The following ZBTB20 variants were observed in gnomAD, a reference collection of about 807,000 sequenced individuals.
ZBTB20 encodes zinc finger and BTB domain-containing protein 20.
Under a neutral mutation model 56.9 loss-of-function variants are expected in ZBTB20, and 9 were observed. That is an observed-to-expected ratio of 0.16 (90% CI 0.10 to 0.28). ZBTB20 has a LOEUF of 0.28. ZBTB20 is among the 10% of genes least tolerant of loss of function. The pLI is 1.00. For missense variants in ZBTB20, 655 were observed against 1,003.0 expected (o/e 0.65, Z 4.69); for synonymous variants, 417 against 420.7 (o/e 0.99, Z 0.11).
rs369193641 is a variant in ZBTB20, at chr3:114,843,879, G to A, written c.-416-42705C>T. Among the ~76,000 whole-genome samples the A allele has an allele frequency of 3.8e-4, 58 of 150,804 alleles. No homozygotes were observed. In the South Asian group the frequency reaches 8.4e-3, roughly 22 times the overall value. ...TTTTTGTATTTTGAGTAGAGACAAG[G>A]TTTCACCGTGTTAGCCAGGCTGGTC... On this transcript the variant is annotated intron_variant, in intron 4 of 11. Coordinates refer to ENST00000675478, the MANE Select transcript of ZBTB20 (RefSeq NM_001348800.3).
At chr3:114,792,320 A>T (rs2071020024) in intron 5 of ZBTB20, 1 of 152,190 alleles carries the variant, frequency 6.6e-6, no homozygotes, top group South Asian at 2.1e-4. Flanking sequence ...TACTAGCAAC[A>T]TATTGCAAAG....
chr3:114,500,907 A>T (rs906818333), intron 6 of ZBTB20, among the ~76,000 whole-genome samples: 1 of 152,234 alleles, frequency 6.6e-6, no homozygotes, highest in African/African-American at 2.4e-5. Flanking sequence ...TCTATTGGGC[A>T]GCACTGACTA....
At chr3:114,622,811 T>C (rs1257099877) in intron 6 of ZBTB20, among the ~76,000 whole-genome samples, 2 of 152,260 alleles carry the variant, frequency 1.3e-5, no homozygotes, top group Non-Finnish European at 2.9e-5. Flanking sequence ...AGGAGAAATC[T>C]ACTGGCAATG....
At chr3:114,803,364 A>T (rs1257195692) in intron 4 of ZBTB20, among the ~76,000 whole-genome samples, 1 of 151,918 alleles carries the variant, frequency 6.6e-6, no homozygotes, top group East Asian at 1.9e-4. Context: ...CACGAGGAGA[A>T]CTGAAATTTA....
At chr3:114,903,120 A>G (rs2075188018) in intron 3 of ZBTB20, among the ~76,000 whole-genome samples, 1 of 152,110 alleles carries the variant, frequency 6.6e-6, no homozygotes, top group African/African-American at 2.4e-5. Flanking sequence ...TCTGGGAAGC[A>G]GTAGAGTTAT....
At chr3:114,724,270 A>C (rs996360989) in intron 5 of ZBTB20, among the ~76,000 whole-genome samples, 1 of 152,188 alleles carries the variant, frequency 6.6e-6, no homozygotes, top group Non-Finnish European at 1.5e-5. Flanking sequence ...GTTCTCTCTG[A>C]TAACATTGAA....
chr3:114,746,107 A>G (rs546212339), intron 5 of ZBTB20, among the ~76,000 whole-genome samples: 1 of 152,320 alleles, frequency 6.6e-6, no homozygotes, highest in African/African-American at 2.4e-5. Context: ...AAACAAGGAC[A>G]TGCTGATCAG....
rs147982752 is a variant in ZBTB20, at chr3:114,567,240, A to G, written c.-294-66849T>C. On this transcript the variant is annotated intron_variant, in intron 6 of 11. Transcript: ENST00000675478. ...TTTCTTAGTGTGATGGTTGCACTCAATGCTGTGCTAATGATGGACATTTCT... is the reference window on the plus strand; with the variant it reads ...TTTCTTAGTGTGATGGTTGCACTCAGTGCTGTGCTAATGATGGACATTTCT... 8.9e-3 allele frequency among the ~76,000 whole-genome samples: 1,352 copies of G among 152,278 alleles called. 21 individuals carry two copies. Among genetic ancestry groups the G allele is most frequent in the African/African-American group, 0.03 (1,261 of 41,530 alleles).
At chr3:114,844,860 C>CTTTTT (rs11396350) in intron 4 of ZBTB20, among the ~76,000 whole-genome samples, 1 of 130,434 alleles carries the variant, frequency 7.7e-6, no homozygotes, top group Non-Finnish European at 1.6e-5. Flanking sequence ...TTTTCTTTTT[C>CTTTTT]TTTTTTTTTT....
intron 6 of ZBTB20, among the ~76,000 whole-genome samples, chr3:114,559,104 G>A (rs1394385583): frequency 6.6e-6 from 1 of 152,112 alleles, no homozygotes; most frequent in Non-Finnish European, 1.5e-5. Flanking sequence ...GAAGGAAGGA[G>A]GACTTTGTGA....
At chr3:115,045,757 A>T (rs1406101321) in intron 2 of ZBTB20, among the ~76,000 whole-genome samples, 2 of 152,172 alleles carry the variant, frequency 1.3e-5, no homozygotes, top group Non-Finnish European at 2.9e-5. Context: ...AGAATAGATT[A>T]TTTCTTTCAT....
intron 7 of ZBTB20, among the ~76,000 whole-genome samples, chr3:114,448,684 G>A (rs762719663): frequency 2.6e-5 from 4 of 151,932 alleles, no homozygotes; most frequent in Non-Finnish European, 5.9e-5. Context: ...AAACTTAAAC[G>A]TTCATATAGC....
chr3:114,594,749 C>T (rs2056156091), intron 6 of ZBTB20, among the ~76,000 whole-genome samples: 1 of 152,088 alleles, frequency 6.6e-6, no homozygotes, highest in Non-Finnish European at 1.5e-5. Context: ...GTTTCTAAGC[C>T]ACCCATGGAA....
At chr3:114,431,910 G>A (rs1401453006) in intron 7 of ZBTB20, among the ~76,000 whole-genome samples, 1 of 152,158 alleles carries the variant, frequency 6.6e-6, no homozygotes, top group Non-Finnish European at 1.5e-5. Flanking sequence ...CGGTCAAGTG[G>A]CACAAAGGAG....
At chr3:114,723,173 AG>A (rs2065034981) in intron 5 of ZBTB20, among the ~76,000 whole-genome samples, 1 of 152,040 alleles carries the variant, frequency 6.6e-6, no homozygotes, top group East Asian at 1.9e-4. Flanking sequence ...TTTTTTGATA[AG>A]GAAATGCAAA....
intron 2 of ZBTB20, among the ~76,000 whole-genome samples, chr3:115,003,995 G>GT (rs1190842885): frequency 2.6e-5 from 4 of 151,594 alleles, no homozygotes; most frequent in African/African-American, 4.8e-5. Context: ...TAAAATGTGT[G>GT]TTTTTATCTA....
intron 3 of ZBTB20, among the ~76,000 whole-genome samples, chr3:114,960,527 G>A (rs1042723802): frequency 6.6e-5 from 10 of 152,186 alleles, no homozygotes; most frequent in East Asian, 3.8e-4. Context: ...ATTTCATAAC[G>A]TTTACAAACT....
intron 7 of ZBTB20, among the ~76,000 whole-genome samples, chr3:114,397,889 G>A (rs1488778071): frequency 6.6e-6 from 1 of 152,048 alleles, no homozygotes; most frequent in Non-Finnish European, 1.5e-5. Flanking sequence ...GGATTCCCCT[G>A]GTTCCAAACT....
chr3:114,454,175 G>GAGAGAGAGA (rs2091839032), intron 7 of ZBTB20, among the ~76,000 whole-genome samples: 1 of 116,676 alleles, frequency 8.6e-6, no homozygotes, highest in African/African-American at 4.0e-5. Context: ...AAAAGAGAAG[G>GAGAGAGAGA]GAGAGAGAGA....
Sources: allele counts gnomAD v4.1 joint callset (sites outside exome capture counted in the v4.1 genomes callset), GRCh38; gene constraint gnomAD v4.1.1; transcripts MANE v1.5; gene names NCBI Gene and HGNC (gene_info 2026-07-23, HGNC 2026-07-21).